Variants in REXO2 observed in about 807,000 individuals in gnomAD.
REXO2 encodes the protein oligoribonuclease, mitochondrial.
REXO2 carries 17 observed loss-of-function variants against 30.9 expected under a neutral mutation model. The observed-to-expected ratio is 0.55, with a 90% CI of 0.38 to 0.82. The LOEUF (loss-of-function observed/expected upper bound fraction) is 0.82, where lower values mean the gene tolerates loss of function less well. Among genes scored for constraint, REXO2 ranks in the 40% least tolerant of loss-of-function variants. REXO2 has a pLI of 0.00. For synonymous variants in REXO2, 105 were observed against 99.6 expected (o/e 1.05, Z -0.32); for missense variants, 253 against 293.2 (o/e 0.86, Z 1.00).
rs114679187 is a variant in REXO2, at chr11:114,448,020, T to C, written c.584+141T>C. 2,953 of 668,202 alleles carry C rather than the reference T, an allele frequency of 4.4e-3. 59 individuals are homozygous for C. In the African/African-American group the frequency reaches 0.047, roughly 11 times the overall value. 41.4% of individuals were successfully genotyped at this position (668,202 alleles called of 1,614,324 possible). A position where few individuals can be genotyped will look rare whatever the true frequency, so the allele number is the denominator to read the frequency against. ...AACTAGCATAAACATAACATTCTTT[T>C]ACTGTTAGGAATTCTGGTCAGGATT... On this transcript the variant is annotated intron_variant, in intron 6 of 6. Transcript: ENST00000265881.
At chr11:114,444,490 A>G in intron 3 of REXO2, 51 bp from the exon 4 acceptor site, 1 of 1,354,764 alleles carries the variant, frequency 7.4e-7, no homozygotes, top group Non-Finnish European at 1.1e-6. Flanking sequence ...TGCCTTTGAA[A>G]ACTGACTTTA....
intron 5 of REXO2, 72 bp downstream of exon 5, chr11:114,446,159 A>C (rs1946508550): frequency 1.1e-6 from 1 of 876,548 alleles, no homozygotes; most frequent in Non-Finnish European, 1.8e-6. Flanking sequence ...GTGGAAAGTA[A>C]TTGGATAGAG....
At chr11:114,444,373 A>G (rs949989220) in intron 3 of REXO2, 168 bp from the exon 4 acceptor site, 2 of 616,674 alleles carry the variant, frequency 3.2e-6, no homozygotes, top group East Asian at 3.0e-5. Flanking sequence ...ATTCTTGAAG[A>G]AAAAAAAATG....
At chr11:114,449,622 T>G (rs943243532) in intron 6 of REXO2, among the ~76,000 whole-genome samples, 1 of 152,154 alleles carries the variant, frequency 6.6e-6, no homozygotes, top group East Asian at 1.9e-4. Flanking sequence ...TTTGGGAAAC[T>G]TTAATCTTCT....
chr11:114,445,812 T>C (rs79008673), intron 4 of REXO2, 167 bp from the exon 5 acceptor site: 24,343 of 571,516 alleles, frequency 0.043, 669 homozygotes, highest in African/African-American at 0.1. Context: ...TCTGTACTTG[T>C]AAGCTAATCA....
In REXO2 at chr11:114,440,748, T is replaced by C. The variant is rs1461998028; in HGVS notation, c.231+9T>C. ...TCAACATTTTGGCTGAAGTACGTGA[T>C]GCCATGTAATACAGTCATACTTTTT... On this transcript the variant is annotated intron_variant, in intron 2 of 6. Transcript: ENST00000265881. 2.5e-6 allele frequency: 4 copies of C among 1,580,482 alleles called. No homozygotes were observed. Among genetic ancestry groups the C allele is most frequent in the Admixed American group, 1.7e-5 (1 of 59,930 alleles).
chr11:114,444,102 T>G (rs751947565), intron 3 of REXO2, 169 bp downstream of exon 3: 3 of 679,962 alleles, frequency 4.4e-6, no homozygotes, highest in South Asian at 3.0e-5. Flanking sequence ...CTTTGGGACC[T>G]CTCGAGATCA....
chr11:114,443,744 T>C, intron 2 of REXO2, 112 bp from the exon 3 acceptor site: 4 of 725,662 alleles, frequency 5.5e-6, no homozygotes, highest in South Asian at 1.8e-5. Context: ...TATCCTTATC[T>C]CTTACTTTCT....
chr11:114,442,251 G>A lies in REXO2; in HGVS notation c.231+1512G>A, dbSNP rs74595784. Among the ~76,000 whole-genome samples the A allele has an allele frequency of 3.6e-3, 543 of 152,088 alleles. 7 individuals carry two copies. Among genetic ancestry groups the A allele is most frequent in the East Asian group, 0.016 (84 of 5,178 alleles). On this transcript the variant is annotated intron_variant, in intron 2 of 6. Coordinates refer to ENST00000265881, the MANE Select transcript of REXO2 (RefSeq NM_015523.4). ...AGAAAAATGTTTTATGCTGGTAGAAGAGCAGGCATCCTACTCTGAAAATTT... is the reference window on the plus strand; with the variant it reads ...AGAAAAATGTTTTATGCTGGTAGAAAAGCAGGCATCCTACTCTGAAAATTT...
At chr11:114,441,924 C>T (rs1274821692) in intron 2 of REXO2, 10 of 596,648 alleles carry the variant, frequency 1.7e-5, no homozygotes, top group Non-Finnish European at 2.7e-5. Context: ...TTTTCTGTTA[C>T]TTGGGATTTA....
At chr11:114,441,826 A>G in intron 2 of REXO2, 1 of 699,104 alleles carries the variant, frequency 1.4e-6, no homozygotes, top group Non-Finnish European at 2.6e-6. Context: ...TATCAACTGT[A>G]GGAGAATCAT....
intron 2 of REXO2, among the ~76,000 whole-genome samples, chr11:114,442,602 A>G (rs888527258): frequency 1.3e-5 from 2 of 152,208 alleles, no homozygotes; most frequent in Admixed American, 1.3e-4. Flanking sequence ...CTTAGTAGTA[A>G]TAATACCTTG....
rs1028126516 is a variant in REXO2 at position 114,439,641 on chromosome 11, G to T, written c.113G>T (p.Ser38Ile). The change falls in exon 1 of 7, where the codon AGC (serine) becomes ATC (isoleucine). Residue 38 changes from serine to isoleucine, a missense_variant. Coordinates refer to ENST00000265881, the MANE Select transcript of REXO2 (RefSeq NM_015523.4). ...EGGAAMAAGESMAQRMVWVDL... is the reference protein window; with the variant it reads ...EGGAAMAAGEIMAQRMVWVDL... ...GGCGCAGCCATGGCGGCAGGGGAGA[G>T]CATGGCTCAGCGGATGGTCTGGGTG... is the stretch of plus-strand genomic sequence containing the variant. The T allele has an allele frequency of 2.5e-6, 4 of 1,590,634 alleles. No homozygotes were observed. Among genetic ancestry groups the T allele is most frequent in the East Asian group, 2.3e-5 (1 of 44,128 alleles).
rs765992793 is a variant in REXO2 at position 114,449,834 on chromosome 11, G to A, written c.585-12G>A. ...TTGGACAGTTCATTCATTGTGGTAT[G>A]TTTGCTTATAGGGCACTTGATGACA... On this transcript the variant is annotated splice_polypyrimidine_tract_variant and intron_variant, in intron 6 of 6. Coordinates refer to ENST00000265881, the MANE Select transcript of REXO2 (RefSeq NM_015523.4). 1 of 1,602,754 alleles carries A rather than the reference G, an allele frequency of 6.2e-7. No homozygotes were observed. Among genetic ancestry groups the A allele is most frequent in the Non-Finnish European group, 8.5e-7 (1 of 1,175,234 alleles).
intron 1 of REXO2, chr11:114,440,057 C>T (rs1359603470): frequency 1.7e-5 from 8 of 480,496 alleles, no homozygotes; most frequent in Non-Finnish European, 2.4e-5. Context: ...GTTGTTAGGG[C>T]CAGACGGGAC....
intron 3 of REXO2, 160 bp from the exon 4 acceptor site, chr11:114,444,381 A>G (rs1046780314): frequency 3.0e-6 from 2 of 656,808 alleles, no homozygotes; most frequent in Admixed American, 2.6e-5. Flanking sequence ...AGAAAAAAAA[A>G]TGGTGCAAAG....
chr11:114,439,847 G>A (rs1047923086), intron 1 of REXO2, 172 bp downstream of exon 1: 3 of 732,178 alleles, frequency 4.1e-6, no homozygotes, highest in Non-Finnish European at 6.4e-6. Flanking sequence ...TCCTGCGGGT[G>A]TTGGGCGCCG....
chr11:114,440,739 A>G lies in REXO2; in HGVS notation c.231A>G (p.Glu77=). The G allele has an allele frequency of 6.2e-7, 1 of 1,607,630 alleles. No individual in the cohort carries two copies. Among genetic ancestry groups the G allele is most frequent in the Admixed American group, 1.7e-5 (1 of 59,994 alleles). Residue 77 remains glutamate (E), a splice_region_variant and synonymous_variant, in exon 2 of 7, where the codon GAA becomes GAG. Transcript: ENST00000265881. The part of the protein sequence containing the change: ...ITDSDLNILA[E]GPNLIIKQPD... ...ACTCTGATCTCAACATTTTGGCTGA[A>G]GTACGTGATGCCATGTAATACAGTC...
At chr11:114,444,106 G>A (rs779434551) in intron 3 of REXO2, 173 bp downstream of exon 3, 2 of 677,068 alleles carry the variant, frequency 3.0e-6, no homozygotes, top group South Asian at 1.5e-5. Context: ...GGGACCTCTC[G>A]AGATCATCTT....
Sources: allele counts gnomAD v4.1 joint callset (sites outside exome capture counted in the v4.1 genomes callset), GRCh38; gene constraint gnomAD v4.1.1; transcripts MANE v1.5; gene names NCBI Gene and HGNC (gene_info 2026-07-23, HGNC 2026-07-21).